The following PDZD7 variants were observed in gnomAD, a reference collection of about 807,000 sequenced individuals.
PDZD7 encodes the protein PDZ domain-containing protein 7.
In PDZD7, 72 loss-of-function variants were observed where a neutral mutation model predicts 84.7. That is an observed-to-expected ratio of 0.85 (90% confidence interval 0.70 to 1.03). The LOEUF is 1.03. PDZD7 is among the 50% of genes least tolerant of loss of function. The pLI, the probability that PDZD7 is intolerant of heterozygous loss-of-function variation, is 0.00. For missense variants in PDZD7, 1,490 were observed against 1,412.9 expected (o/e 1.05, Z -0.87); for synonymous variants, 594 against 580.7 (o/e 1.02, Z -0.33).
intron 2 of PDZD7, among the ~76,000 whole-genome samples, chr10:101,026,209 A>C (rs1486887504): frequency 1.3e-5 from 2 of 151,072 alleles, no homozygotes; most frequent in Non-Finnish European, 2.9e-5. Context: ...ATCTTGGCTC[A>C]CTGCAACCTC....
chr10:101,030,187 T>G lies in PDZD7; in HGVS notation c.33A>C (p.Pro11=). Residue 11 remains proline, a synonymous_variant, in exon 2 of 17, where the codon CCA becomes CCC. Coordinates refer to ENST00000619208, the MANE Select transcript of PDZD7 (RefSeq NM_001195263.2). MAQGFAVGFD[P]LGLGDLSSGS... is the part of the protein sequence containing the mutation. ...CGGAGCTCAGGTCTCCTAGGCCCAG[T>G]GGGTCGAAGCCCACTGCGAAACCCT... 6.2e-7 allele frequency: 1 copy of G among 1,612,964 alleles called. No homozygotes were observed. Among genetic ancestry groups the G allele is most frequent in the Non-Finnish European group, 8.5e-7 (1 of 1,179,776 alleles).
chr10:101,016,005 C>T (rs113324992), intron 10 of PDZD7, among the ~76,000 whole-genome samples, 194 bp from the exon 11 acceptor site: 10 of 152,300 alleles, frequency 6.6e-5, no homozygotes, highest in South Asian at 2.1e-4. Context: ...CAACATGGAC[C>T]CCTATACCAG....
rs201873754 is a variant in PDZD7 at position 101,007,817 on chromosome 10, A to AT, written c.*649dup. 1,018 of 287,222 alleles carry AT rather than the reference A, an allele frequency of 3.5e-3. 15 individuals are homozygous for AT. Among genetic ancestry groups the AT allele is most frequent in the African/African-American group, 0.024 (973 of 40,818 alleles). The allele number at this position is 287,222 out of a possible 1,614,324, so 17.8% of individuals were successfully genotyped here. A position where few individuals can be genotyped will look rare whatever the true frequency, so the allele number is the denominator to read the frequency against. On this transcript the variant is annotated 3_prime_UTR_variant, in exon 17 of 17. Coordinates refer to ENST00000619208, the MANE Select transcript of PDZD7 (RefSeq NM_001195263.2). The stretch of plus-strand genomic sequence containing the variant: ...AAACCCAAAGAAAAAATTAAAAAAA[A>AT]TTTTTTTGTTTAAAAATAATGTGAA...
intron 2 of PDZD7, among the ~76,000 whole-genome samples, chr10:101,024,612 T>C (rs2134110134): frequency 6.6e-6 from 1 of 152,032 alleles, no homozygotes; most frequent in East Asian, 1.9e-4. Flanking sequence ...GACAGGACTC[T>C]ATGCTAAAGA....
In PDZD7 at chr10:101,015,543, C is replaced by T. The variant is rs1852580642; in HGVS notation, c.1749+93G>A. The T allele has an allele frequency of 2.1e-6, 3 of 1,448,426 alleles. No individual in the cohort carries two copies. The South Asian group carries it at 4.1e-5, about 20-fold the overall frequency. The allele number at this position is 1,448,426 out of a possible 1,614,324, so 89.7% of individuals were successfully genotyped here. A position where few individuals can be genotyped will look rare whatever the true frequency, so the allele number is the denominator to read the frequency against. ...ACCACTAGCCTCCTGGTGTCAAGCCCAGACACTGGTCAGTGGACAGTGGCC... is the reference window on the plus strand; with the variant it reads ...ACCACTAGCCTCCTGGTGTCAAGCCTAGACACTGGTCAGTGGACAGTGGCC... On this transcript the variant is annotated intron_variant, in intron 11 of 16. Transcript: ENST00000619208.
At chr10:101,024,886 C>T (rs1320480369) in intron 2 of PDZD7, among the ~76,000 whole-genome samples, 2 of 151,568 alleles carry the variant, frequency 1.3e-5, no homozygotes, top group Non-Finnish European at 2.9e-5. Context: ...CTGAGCTTCA[C>T]ATGCCCATGG....
At chr10:101,016,577 G>A in intron 9 of PDZD7, 150 bp from the exon 10 acceptor site, 1 of 769,550 alleles carries the variant, frequency 1.3e-6, no homozygotes, top group Non-Finnish European at 2.1e-6. Flanking sequence ...GGGCTTGAAG[G>A]CAATGCTCAG....
At chr10:101,015,245 G>A (rs1436821773) in intron 11 of PDZD7, among the ~76,000 whole-genome samples, 1 of 152,170 alleles carries the variant, frequency 6.6e-6, no homozygotes, top group African/African-American at 2.4e-5. Context: ...AGAGGCAGGC[G>A]ACTGCAGGGA....
intron 6 of PDZD7, 61 bp from the exon 7 acceptor site, chr10:101,020,739 T>G: frequency 5.8e-6 from 7 of 1,207,734 alleles, no homozygotes; most frequent in Non-Finnish European, 8.6e-6. Flanking sequence ...AGAGTGAGAA[T>G]GGGGCGGGGG....
rs1013781948 is a variant in PDZD7 at position 101,008,443 on chromosome 10, G to A, written c.*24C>T. On this transcript the variant is annotated 3_prime_UTR_variant, in exon 17 of 17. Transcript: ENST00000619208. ...GATAACGGGATGCTGGAGTCAGTGG[G>A]TGAATCTGAGGTTAGGGGGAGGGTC... 1.7e-5 allele frequency: 25 copies of A among 1,482,660 alleles called. 1 individual carries two copies. The South Asian group carries it at 3.1e-4, about 18-fold the overall frequency. The allele number at this position is 1,482,660 out of a possible 1,614,324, so 91.8% of individuals were successfully genotyped here.
At chr10:101,011,176 G>T in intron 14 of PDZD7, 1 of 767,254 alleles carries the variant, frequency 1.3e-6, no homozygotes, top group African/African-American at 1.8e-5. Context: ...GGAGTAGCTG[G>T]GATTACAGGC....
intron 13 of PDZD7, 69 bp from the exon 14 acceptor site, chr10:101,011,830 G>T (rs1431265593): frequency 1.1e-5 from 17 of 1,550,178 alleles, no homozygotes; most frequent in Middle Eastern, 1.7e-4. Flanking sequence ...GCAGCTCAAG[G>T]GGCTCGGCAA....
In PDZD7 at chr10:101,016,387, T is replaced by C. The variant is rs762683180; in HGVS notation, c.1563A>G (p.Arg521=). The C allele has an allele frequency of 1.9e-6, 3 of 1,550,528 alleles. No individual in the cohort carries two copies. The African/African-American group carries it at 4.1e-5, about 21-fold the overall frequency. Residue 521 remains arginine, a synonymous_variant, in exon 10 of 17, where the codon AGA becomes AGG. Coordinates refer to ENST00000619208, the MANE Select transcript of PDZD7 (RefSeq NM_001195263.2). ...GGATGCATGAATTACCACGTCTCAG[T>C]CTCCAGGTGACAAACTTCTGTACCG... ...VGPVQKFVTW[R]LRRDQERGRA...
rs919717592 is a variant in PDZD7 at position 101,015,663 on chromosome 10, C to A, written c.1722G>T (p.Val574=). ...LAQRLLTDDE[V]LAVTRHCSRY... is the part of the protein sequence containing the mutation. ...GGGAGCAGTGGCGGGTGACAGCCAG[C>A]ACCTCGTCATCAGTCAGCAGCCTCT... Residue 574 remains valine, a synonymous_variant, in exon 11 of 17, where the codon GTG becomes GTT. Coordinates refer to ENST00000619208, the MANE Select transcript of PDZD7 (RefSeq NM_001195263.2). The A allele has an allele frequency of 6.5e-7, 1 of 1,550,324 alleles. No homozygotes were observed. The highest frequency in any genetic ancestry group is 8.7e-7 in the Non-Finnish European group (1 of 1,146,874).
chr10:101,023,917 G>T lies in PDZD7; in HGVS notation c.367+11C>A. The stretch of plus-strand genomic sequence containing the variant: ...CCTAAGCGTGGACTTCAGCCTGGGG[G>T]TTCTGCTTACCTGCACTGCTGCCTT... On this transcript the variant is annotated intron_variant, in intron 3 of 16. Transcript: ENST00000619208. The T allele has an allele frequency of 6.2e-7, 1 of 1,614,226 alleles. No individual in the cohort carries two copies. Among genetic ancestry groups the T allele is most frequent in the Non-Finnish European group, 8.5e-7 (1 of 1,180,036 alleles).
chr10:101,018,926 C>T lies in PDZD7; in HGVS notation c.1220G>A (p.Arg407His), dbSNP rs1373434943. 2 of 1,603,148 alleles carry T rather than the reference C, an allele frequency of 1.2e-6. No homozygotes were observed. Among genetic ancestry groups the T allele is most frequent in the African/African-American group, 2.7e-5 (2 of 74,850 alleles). The change falls in exon 8 of 17, where the codon CGC becomes CAC. Residue 407 changes from arginine (R) to histidine (H), a missense_variant. By Grantham distance (29) the Arg-to-His change is conservative (BLOSUM62 0). Coordinates refer to ENST00000619208, the MANE Select transcript of PDZD7 (RefSeq NM_001195263.2). Reference sequence around the variant, plus strand: ...AGACTCAGAGAGCGCAGAGTCAAGGCGGCGGCCGGGATGGGGGCCGTCCGA... The same window carrying T: ...AGACTCAGAGAGCGCAGAGTCAAGGTGGCGGCCGGGATGGGGGCCGTCCGA... ...IRSDGPHPGR[R>H]LDSALSESPK... is the part of the protein sequence containing the mutation.
intron 2 of PDZD7, among the ~76,000 whole-genome samples, chr10:101,028,834 A>G (rs1174941085): frequency 1.3e-5 from 2 of 152,314 alleles, no homozygotes; most frequent in East Asian, 3.9e-4. Context: ...GACCCTCAGC[A>G]GTGCCCTGTG....
intron 8 of PDZD7, 62 bp from the exon 9 acceptor site, chr10:101,018,358 C>A: frequency 1.3e-6 from 2 of 1,541,732 alleles, no homozygotes; most frequent in Non-Finnish European, 1.8e-6. Flanking sequence ...GGACGAGGGG[C>A]AGGGGTGTGG....
At position 101,015,715 on chromosome 10, in the gene PDZD7, C is replaced by G. The variant is rs866781150; in HGVS notation, c.1670G>C (p.Arg557Pro). Residue 557 changes from arginine (R) to proline (P), a missense_variant, in exon 11 of 17, where the codon CGG becomes CCG. By Grantham distance (103) the Arg-to-Pro change is moderately radical (BLOSUM62 -2). Coordinates refer to ENST00000619208, the MANE Select transcript of PDZD7 (RefSeq NM_001195263.2). ...VDEQVQAWES[R>P]RPLIQDLAQR... Reference sequence around the variant, plus strand: ...GGCCAGGTCCTGAATGAGGGGCCGCCGGCTCTCCCAGGCCTGAACCTGCTC... The same window carrying G: ...GGCCAGGTCCTGAATGAGGGGCCGCGGGCTCTCCCAGGCCTGAACCTGCTC... 2 of 1,550,336 alleles carry G rather than the reference C, an allele frequency of 1.3e-6. No individual in the cohort carries two copies. Among genetic ancestry groups the G allele is most frequent in the African/African-American group, 2.7e-5 (2 of 73,164 alleles).
Sources: allele counts gnomAD v4.1 joint callset (sites outside exome capture counted in the v4.1 genomes callset), GRCh38; gene constraint gnomAD v4.1.1; transcripts MANE v1.5; gene names NCBI Gene and HGNC (gene_info 2026-07-23, HGNC 2026-07-21).